PXDNL: variants seen among roughly 807,000 people sequenced by gnomAD.
The protein encoded by PXDNL is peroxidasin like.
In PXDNL, 145 loss-of-function variants were observed where a neutral mutation model predicts 150.8. The observed-to-expected ratio is 0.96, with a 90% CI of 0.84 to 1.10. PXDNL has a LOEUF of 1.10. PXDNL is among the 50% of genes least tolerant of loss of function. PXDNL has a pLI of 0.00. For synonymous variants in PXDNL, 757 were observed against 725.7 expected, an observed-to-expected ratio of 1.04 and a Z score of -0.69; for missense variants, 2,087 against 1,873.9, an observed-to-expected ratio of 1.11 and a Z score of -2.10.
At chr8:51,649,193 G>C (rs1814984554) in intron 2 of PXDNL, among the ~76,000 whole-genome samples, 1 of 152,050 alleles carries the variant, frequency 6.6e-6, no homozygotes, top group Non-Finnish European at 1.5e-5. Context: ...CAGCCCTTCA[G>C]ACAAGACATG....
chr8:51,758,588 C>T (rs1254682445), intron 1 of PXDNL, among the ~76,000 whole-genome samples: 1 of 152,082 alleles, frequency 6.6e-6, no homozygotes, highest in Admixed American at 6.6e-5. Flanking sequence ...TAGTGGTTTT[C>T]CTTATGCTGT....
chr8:51,355,674 G>A (rs567830226), intron 19 of PXDNL, among the ~76,000 whole-genome samples: 2 of 152,158 alleles, frequency 1.3e-5, no homozygotes, highest in African/African-American at 2.4e-5. Context: ...TATCAGTAGA[G>A]TTTTGACTGA....
intron 17 of PXDNL, among the ~76,000 whole-genome samples, chr8:51,385,705 A>C (rs1432863720): frequency 2.0e-5 from 3 of 152,172 alleles, no homozygotes; most frequent in Non-Finnish European, 4.4e-5. Context: ...CATAATTCCC[A>C]TGTGTTGTGG....
intron 1 of PXDNL, among the ~76,000 whole-genome samples, chr8:51,666,009 T>C (rs1352567652): frequency 6.6e-6 from 1 of 152,264 alleles, no homozygotes; most frequent in African/African-American, 2.4e-5. Context: ...CTTACACCGA[T>C]ATTTGGATAC....
intron 1 of PXDNL, among the ~76,000 whole-genome samples, chr8:51,734,913 G>T (rs772925002): frequency 6.6e-6 from 1 of 152,140 alleles, no homozygotes; most frequent in African/African-American, 2.4e-5. Context: ...GGAGAGATTG[G>T]GGAGATGTTG....
At chr8:51,663,818 G>A (rs1253164472) in intron 1 of PXDNL, among the ~76,000 whole-genome samples, 3 of 152,118 alleles carry the variant, frequency 2.0e-5, no homozygotes, top group Non-Finnish European at 2.9e-5. Flanking sequence ...TGGGAAGCCC[G>A]AGACAGGCAG....
intron 17 of PXDNL, among the ~76,000 whole-genome samples, chr8:51,403,989 T>C (rs961235778): frequency 6.6e-6 from 1 of 152,036 alleles, no homozygotes; most frequent in Non-Finnish European, 1.5e-5. Flanking sequence ...GCTTCAAGAG[T>C]GAAATTGCAG....
chr8:51,514,630 G>A (rs1344218418), intron 4 of PXDNL, among the ~76,000 whole-genome samples: 1 of 152,110 alleles, frequency 6.6e-6, no homozygotes, highest in African/African-American at 2.4e-5. Context: ...ATATAAATCA[G>A]TTGGTGCTCC....
chr8:51,681,260 C>G (rs1008164009), intron 1 of PXDNL, among the ~76,000 whole-genome samples: 6 of 152,156 alleles, frequency 3.9e-5, no homozygotes, highest in African/African-American at 1.4e-4. Flanking sequence ...CTAACGCCAC[C>G]AGTCACCCTA....
intron 1 of PXDNL, among the ~76,000 whole-genome samples, chr8:51,725,962 C>T (rs1189240347): frequency 6.6e-6 from 1 of 152,182 alleles, no homozygotes; most frequent in East Asian, 1.9e-4. Context: ...TTGGTTCAGT[C>T]GTTAATTATT....
rs541229732 is a variant in PXDNL, at chr8:51,642,996, G to T, written c.236+11693C>A. Reference sequence around the variant, plus strand: ...AATCCAACTTACAAGGGATGTGAAGGACCTCTTCAAGGAGAACTACAAAAC... The same window carrying T: ...AATCCAACTTACAAGGGATGTGAAGTACCTCTTCAAGGAGAACTACAAAAC... On this transcript the variant is annotated intron_variant, in intron 2 of 22. Coordinates refer to ENST00000356297, the MANE Select transcript of PXDNL (RefSeq NM_144651.5). Among the ~76,000 whole-genome samples, 78 of 152,266 alleles carry T rather than the reference G, an allele frequency of 5.1e-4. 1 individual carries two copies. The highest frequency in any genetic ancestry group is 3.5e-3 in the Admixed American group (53 of 15,292).
intron 6 of PXDNL, among the ~76,000 whole-genome samples, chr8:51,476,911 A>G (rs1218000882): frequency 6.6e-6 from 1 of 152,242 alleles, no homozygotes; most frequent in African/African-American, 2.4e-5. Flanking sequence ...AAAATTATTC[A>G]TGCACAAAAA....
chr8:51,644,721 T>C (rs1814879319), intron 2 of PXDNL, among the ~76,000 whole-genome samples: 1 of 151,688 alleles, frequency 6.6e-6, no homozygotes, highest in South Asian at 2.1e-4. Flanking sequence ...CCTCCCAAAG[T>C]GCTGGGATTA....
chr8:51,404,771 C>G (rs1808388169), intron 17 of PXDNL, among the ~76,000 whole-genome samples: 1 of 152,236 alleles, frequency 6.6e-6, no homozygotes, highest in Non-Finnish European at 1.5e-5. Context: ...CCAGTGGATC[C>G]TGCACCAGGG....
chr8:51,429,237 G>GT lies in PXDNL; in HGVS notation c.1526-2480dup, dbSNP rs200611748. On this transcript the variant is annotated intron_variant, in intron 12 of 22. Coordinates refer to ENST00000356297, the MANE Select transcript of PXDNL (RefSeq NM_144651.5). The stretch of plus-strand genomic sequence containing the variant: ...TTACTCATACATTGTTGGTGGGAAT[G>GT]TAAGATGGTACAGACACTCTGGAAA... Among the ~76,000 whole-genome samples the GT allele has an allele frequency of 6.7e-3, 1,025 of 152,334 alleles. 12 individuals are homozygous for GT. The highest frequency in any genetic ancestry group is 0.023 in the African/African-American group (958 of 41,574).
At chr8:51,647,775 T>G (rs1814950603) in intron 2 of PXDNL, among the ~76,000 whole-genome samples, 1 of 152,294 alleles carries the variant, frequency 6.6e-6, no homozygotes, top group South Asian at 2.1e-4. Flanking sequence ...TTCATGGGCT[T>G]TATTAAATCA....
At chr8:51,778,621 A>T (rs2037380741) in intron 1 of PXDNL, among the ~76,000 whole-genome samples, 1 of 152,214 alleles carries the variant, frequency 6.6e-6, no homozygotes, top group South Asian at 2.1e-4. Context: ...ACAGGCTCCA[A>T]GAGACTGCAC....
chr8:51,357,355 T>G (rs892823840), intron 19 of PXDNL, among the ~76,000 whole-genome samples: 7 of 152,224 alleles, frequency 4.6e-5, no homozygotes, highest in African/African-American at 1.4e-4. Context: ...TTCCACATTC[T>G]CTGGTACTAC....
intron 17 of PXDNL, among the ~76,000 whole-genome samples, chr8:51,382,132 G>A (rs191115077): frequency 1.4e-3 from 207 of 152,134 alleles, no homozygotes; most frequent in Non-Finnish European, 1.8e-3. Context: ...CCACCGCTCC[G>A]GGCCATGGTG....
Sources: allele counts gnomAD v4.1 joint callset (sites outside exome capture counted in the v4.1 genomes callset), GRCh38; gene constraint gnomAD v4.1.1; transcripts MANE v1.5; gene names NCBI Gene and HGNC (gene_info 2026-07-23, HGNC 2026-07-21).